DNAH5: variants seen among roughly 807,000 people sequenced by gnomAD.
The protein encoded by DNAH5 is axonemal beta dynein heavy chain 5.
Under a neutral mutation model 518.2 loss-of-function variants are expected in DNAH5, and 372 were observed. That is an observed-to-expected ratio of 0.72 (90% confidence interval 0.66 to 0.78). DNAH5 has a LOEUF of 0.78. DNAH5 is among the 30% of genes least tolerant of loss of function. The probability of loss-of-function intolerance (pLI) is 0.00; values close to 1 mark genes in which losing one functional copy is unlikely to be tolerated. For missense variants in DNAH5, 5,523 were observed against 5,687.0 expected (o/e 0.97, Z 0.93); for synonymous variants, 2,039 against 2,025.9 (o/e 1.01, Z -0.17).
At chr5:13,919,756 C>T (rs1264390557) in intron 6 of DNAH5, among the ~76,000 whole-genome samples, 2 of 152,138 alleles carry the variant, frequency 1.3e-5, no homozygotes, top group Non-Finnish European at 2.9e-5. Context: ...GAGTACTTAT[C>T]ATTTCTACGT....
At chr5:13,753,686 G>A (rs1750584512) in intron 62 of DNAH5, 137 bp from the exon 63 acceptor site, 2 of 813,628 alleles carry the variant, frequency 2.5e-6, no homozygotes, top group Non-Finnish European at 3.8e-6. Flanking sequence ...AGGCACAAGT[G>A]GCTGTGCTGG....
chr5:13,763,166 G>A (rs933966040), intron 59 of DNAH5, among the ~76,000 whole-genome samples: 4 of 152,192 alleles, frequency 2.6e-5, no homozygotes, highest in Non-Finnish European at 5.9e-5. Context: ...TCCAGGGAAA[G>A]AGTAAATTAT....
intron 45 of DNAH5, 91 bp downstream of exon 45, chr5:13,809,968 T>G (rs1353184920): frequency 1.6e-6 from 2 of 1,267,056 alleles, no homozygotes; most frequent in Non-Finnish European, 2.2e-6. Context: ...ATTATAAATC[T>G]CATTTAGAAA....
At position 13,773,841 on chromosome 5, in the gene DNAH5, A is replaced by G. The variant is rs541708571; in HGVS notation, c.9373+2598T>C. 1.2e-3 allele frequency among the ~76,000 whole-genome samples: 180 copies of G among 152,168 alleles called. 2 individuals carry two copies. The South Asian group carries it at 0.024, about 20-fold the overall frequency. ...TTCCTGAAGAGATGACATTTAGCTG[A>G]GCCAGCATTATCCAGACAAAGGAGG... is the stretch of plus-strand genomic sequence containing the variant. On this transcript the variant is annotated intron_variant, in intron 55 of 78. Coordinates refer to ENST00000265104, the MANE Select transcript of DNAH5 (RefSeq NM_001369.3).
Position 13,754,287 on chromosome 5 carries a change from T to C in DNAH5, c.10471A>G (p.Thr3491Ala). 1 of 1,614,122 alleles carries C rather than the reference T, an allele frequency of 6.2e-7. No individual in the cohort carries two copies. Among genetic ancestry groups the C allele is most frequent in the Non-Finnish European group, 8.5e-7 (1 of 1,179,984 alleles). ...RCRHKMQTAS[T>A]LISGLAGEKE... Reference sequence around the variant, plus strand: ...TCACCTGCCAAGCCACTGATGAGCGTGGAAGCTGTCTGCATCTTGTGTCTG... The same window carrying C: ...TCACCTGCCAAGCCACTGATGAGCGCGGAAGCTGTCTGCATCTTGTGTCTG... Residue 3491 changes from threonine to alanine, a missense_variant, in exon 62 of 79, where the codon ACG becomes GCG. Physicochemically the swap from Thr to Ala is moderately conservative, Grantham distance 58. Coordinates refer to ENST00000265104, the MANE Select transcript of DNAH5 (RefSeq NM_001369.3).
intron 21 of DNAH5, 58 bp from the exon 22 acceptor site, chr5:13,876,875 G>T: frequency 6.5e-7 from 1 of 1,541,578 alleles, no homozygotes; most frequent in South Asian, 1.1e-5. Flanking sequence ...TGTACTTTCA[G>T]GAGATGAGGA....
intron 38 of DNAH5, among the ~76,000 whole-genome samples, chr5:13,825,834 G>A: frequency 6.6e-6 from 1 of 152,088 alleles, no homozygotes; most frequent in Admixed American, 6.5e-5. Flanking sequence ...CACTAAAAAT[G>A]GTTAAGATAG....
chr5:13,788,336 T>C (rs549017102), intron 51 of DNAH5, among the ~76,000 whole-genome samples: 3 of 152,332 alleles, frequency 2.0e-5, no homozygotes, highest in South Asian at 4.1e-4. Context: ...GTGATGCACA[T>C]AGTAATACTT....
At chr5:13,910,961 C>A (rs955574729) in intron 12 of DNAH5, among the ~76,000 whole-genome samples, 3 of 152,170 alleles carry the variant, frequency 2.0e-5, no homozygotes, top group African/African-American at 4.8e-5. Flanking sequence ...TCGGTCCTGG[C>A]GCCACCGTTT....
Position 13,865,774 on chromosome 5 carries a change from T to C in DNAH5, c.4249A>G (p.Thr1417Ala), listed in dbSNP as rs890445188. ...GTTTCTATGACACTGTTGTACAGAGTATATATTTTCTGTAGAAGATTTAGT... is the reference window on the plus strand; with the variant it reads ...GTTTCTATGACACTGTTGTACAGAGCATATATTTTCTGTAGAAGATTTAGT... ...KQLNLLQKIYTLYNSVIETVN... is the reference protein window; with the variant it reads ...KQLNLLQKIYALYNSVIETVN... The change falls in exon 27 of 79, where the codon ACT (threonine) becomes GCT (alanine). Residue 1417 changes from threonine to alanine, a missense_variant. Physicochemically the swap from Thr to Ala is moderately conservative, Grantham distance 58 (BLOSUM62 0). Coordinates refer to ENST00000265104, the MANE Select transcript of DNAH5 (RefSeq NM_001369.3). 1.9e-6 allele frequency: 3 copies of C among 1,607,854 alleles called. No homozygotes were observed. Among genetic ancestry groups the C allele is most frequent in the Non-Finnish European group, 2.6e-6 (3 of 1,174,338 alleles).
At chr5:13,797,626 C>A (rs1758029628) in intron 47 of DNAH5, among the ~76,000 whole-genome samples, 2 of 152,124 alleles carry the variant, frequency 1.3e-5, no homozygotes, top group African/African-American at 4.8e-5. Context: ...TTAGTTCAAC[C>A]ATTGTGGAAG....
At chr5:13,977,298 C>T (rs370231714) in intron 1 of DNAH5, among the ~76,000 whole-genome samples, 15 of 152,284 alleles carry the variant, frequency 9.9e-5, no homozygotes, top group African/African-American at 2.2e-4. Flanking sequence ...CCAGGTTCTC[C>T]GGGACCTCAC....
chr5:13,824,444 T>C (rs1378121965), intron 38 of DNAH5, 111 bp from the exon 39 acceptor site: 2 of 1,077,266 alleles, frequency 1.9e-6, no homozygotes, highest in African/African-American at 1.6e-5. Flanking sequence ...CTGATTTTCC[T>C]TCAGAAAATG....
chr5:13,698,309 CAAG>C (rs1186090481), intron 78 of DNAH5, among the ~76,000 whole-genome samples: 1 of 152,110 alleles, frequency 6.6e-6, no homozygotes, highest in Non-Finnish European at 1.5e-5. Context: ...TGCAGAGAAA[CAAG>C]AAGTATCTGA....
In DNAH5 at chr5:13,777,192, G is replaced by A. The variant is rs1309426620; in HGVS notation, c.9105+10C>T. On this transcript the variant is annotated intron_variant, in intron 54 of 78. Coordinates refer to ENST00000265104, the MANE Select transcript of DNAH5 (RefSeq NM_001369.3). ...GGGATAAAACACATAAAGAATAAAT[G>A]AGCTCCTACCTCACCTGATGATAAA... 6.2e-7 allele frequency: 1 copy of A among 1,610,632 alleles called. No homozygotes were observed. The highest frequency in any genetic ancestry group is 1.7e-5 in the Admixed American group (1 of 59,856).
In DNAH5 at chr5:13,841,029, A is replaced by G; in HGVS notation, c.5586T>C (p.Ala1862=). The change falls in exon 34 of 79, where the codon GCT becomes GCC. Residue 1862 remains alanine, a synonymous_variant. Transcript: ENST00000265104. ...TCAATGTATTGAGTAGCTCCAGGAA[A>G]GCCTGATTAGTTTTCTGCATGATTT... ...DKKIMQKTNQ[A]FLELLNTLID... is the part of the protein sequence containing the mutation. The G allele has an allele frequency of 6.2e-7, 1 of 1,614,180 alleles. No homozygotes were observed. The highest frequency in any genetic ancestry group is 8.5e-7 in the Non-Finnish European group (1 of 1,180,008).
At chr5:13,901,153 C>A in intron 14 of DNAH5, 99 bp downstream of exon 14, 1 of 1,315,778 alleles carries the variant, frequency 7.6e-7, no homozygotes, top group Non-Finnish European at 1.1e-6. Flanking sequence ...TTACAAAACA[C>A]CTACAAATCC....
intron 70 of DNAH5, 109 bp downstream of exon 70, chr5:13,727,398 T>C: frequency 9.1e-7 from 1 of 1,095,444 alleles, no homozygotes; most frequent in South Asian, 1.6e-5. Context: ...CACAGAGGCC[T>C]ACAAGAAAAT....
chr5:13,750,105 T>TA (rs1478558098), intron 65 of DNAH5, among the ~76,000 whole-genome samples: 1 of 151,922 alleles, frequency 6.6e-6, no homozygotes, highest in African/African-American at 2.4e-5. Context: ...GAGAAAGAGA[T>TA]AGACATGTGG....
Sources: gnomAD v4.1 joint callset for allele counts (sites outside exome capture counted in the v4.1 genomes callset) on GRCh38, gnomAD v4.1.1 for gene constraint, MANE v1.5 for transcripts, NCBI Gene and HGNC (gene_info 2026-07-23, HGNC 2026-07-21) for gene names.